The following THSD4 variants were observed in gnomAD, a reference collection of about 807,000 sequenced individuals.
THSD4 encodes thrombospondin type 1 domain containing 4, also known as thrombospondin type-1 domain-containing protein 4.
Under a neutral mutation model 119.0 loss-of-function variants are expected in THSD4, and 69 were observed. The observed-to-expected ratio is 0.58, with a 90% CI of 0.48 to 0.71. The LOEUF is 0.71. THSD4 is among the 30% of genes least tolerant of loss of function. THSD4 has a pLI of 0.00. For synonymous variants in THSD4, 524 were observed against 540.4 expected, an observed-to-expected ratio of 0.97 and a Z score of 0.42; for missense variants, 1,393 against 1,391.1, an observed-to-expected ratio of 1.00 and a Z score of -0.02.
Position 71,638,770 on chromosome 15 carries a change from A to G in THSD4, c.1153-21760A>G, listed in dbSNP as rs576616983. 7.2e-5 allele frequency among the ~76,000 whole-genome samples: 11 copies of G among 152,334 alleles called. 1 individual carries two copies. The South Asian group carries it at 2.3e-3, about 32-fold the overall frequency. On this transcript the variant is annotated intron_variant, in intron 7 of 17. Transcript: ENST00000261862. The stretch of plus-strand genomic sequence containing the variant: ...CTATAGGTTTAAGAATGTAAGCAGA[A>G]GTTCTGCACCAATCAGAATAAGCTA...
chr15:71,664,717 G>A (rs1030447114), intron 8 of THSD4, among the ~76,000 whole-genome samples: 3 of 152,086 alleles, frequency 2.0e-5, no homozygotes, highest in Non-Finnish European at 4.4e-5. Flanking sequence ...CCATCATTTA[G>A]CTCCCACTTG....
chr15:71,454,545 T>A (rs1170239780), intron 7 of THSD4, among the ~76,000 whole-genome samples: 1 of 152,196 alleles, frequency 6.6e-6, no homozygotes, highest in Non-Finnish European at 1.5e-5. Flanking sequence ...TAAGATACTC[T>A]AATTTATAGT....
rs746121052 is a variant in THSD4 at position 71,746,924 on chromosome 15, C to T, written c.2123C>T (p.Ala708Val). 1 of 1,613,946 alleles carries T rather than the reference C, an allele frequency of 6.2e-7. No individual in the cohort carries two copies. The highest frequency in any genetic ancestry group is 8.5e-7 in the Non-Finnish European group (1 of 1,180,044). Residue 708 changes from alanine to valine, a missense_variant, in exon 13 of 18, where the codon GCC becomes GTC. Transcript: ENST00000261862. ...HRQVLCRQVY[A>V]NRSLTVQPYR... Reference sequence around the variant, plus strand: ...CAGGTTCTGTGCCGCCAGGTGTACGCCAACCGCAGCCTGACGGTGCAGCCC... The same window carrying T: ...CAGGTTCTGTGCCGCCAGGTGTACGTCAACCGCAGCCTGACGGTGCAGCCC...
intron 7 of THSD4, among the ~76,000 whole-genome samples, chr15:71,634,642 G>A (rs553382486): frequency 6.6e-6 from 1 of 152,168 alleles, no homozygotes; most frequent in African/African-American, 2.4e-5. Context: ...TCTCATTGAG[G>A]GAATGGGTGG....
At chr15:71,265,767 G>A (rs755393848) in intron 6 of THSD4, among the ~76,000 whole-genome samples, 14 of 152,132 alleles carry the variant, frequency 9.2e-5, no homozygotes, top group African/African-American at 3.4e-4. Context: ...GAGCTTTGTG[G>A]GGGGGGAGGG....
intron 7 of THSD4, among the ~76,000 whole-genome samples, chr15:71,487,031 C>T (rs117391409): frequency 1.3e-5 from 2 of 152,258 alleles, no homozygotes; most frequent in East Asian, 3.9e-4. Context: ...AGTAGTTGAC[C>T]ACAGTCTCAG....
intron 1 of THSD4, among the ~76,000 whole-genome samples, chr15:71,107,584 G>A (rs1362988347): frequency 6.6e-6 from 1 of 152,154 alleles, no homozygotes; most frequent in African/African-American, 2.4e-5. Flanking sequence ...CCACTCACAG[G>A]ACTGGGTCAG....
At chr15:71,404,114 C>G (rs1362473749) in intron 6 of THSD4, among the ~76,000 whole-genome samples, 1 of 152,136 alleles carries the variant, frequency 6.6e-6, no homozygotes, top group African/African-American at 2.4e-5. Flanking sequence ...AAATAAAATT[C>G]ATATATGATA....
rs2053935124 is a variant in THSD4, at chr15:71,777,428, G to A, written c.*54G>A. 1.9e-6 allele frequency: 3 copies of A among 1,567,606 alleles called. No individual in the cohort carries two copies. The highest frequency in any genetic ancestry group is 2.6e-6 in the Non-Finnish European group (3 of 1,158,862). On this transcript the variant is annotated 3_prime_UTR_variant, in exon 18 of 18. Coordinates refer to ENST00000261862, the MANE Select transcript of THSD4 (RefSeq NM_024817.3). ...CATCACTGCCTTCCCGGGGGCTTCA[G>A]CAGTGCGCCTGGCTGGCTGCTGCTC...
intron 7 of THSD4, among the ~76,000 whole-genome samples, chr15:71,615,083 T>C (rs2050298290): frequency 6.6e-6 from 1 of 152,242 alleles, no homozygotes; most frequent in South Asian, 2.1e-4. Flanking sequence ...GCTCTCAGAT[T>C]ACACTACTTT....
At chr15:71,640,747 G>C (rs1468159790) in intron 7 of THSD4, among the ~76,000 whole-genome samples, 1 of 152,024 alleles carries the variant, frequency 6.6e-6, no homozygotes, top group African/African-American at 2.4e-5. Flanking sequence ...CTCCTCAGCT[G>C]TTACTGCCCA....
chr15:71,529,907 T>C (rs2048583422), intron 7 of THSD4, among the ~76,000 whole-genome samples: 1 of 152,218 alleles, frequency 6.6e-6, no homozygotes, highest in Non-Finnish European at 1.5e-5. Flanking sequence ...CTTAATGACC[T>C]GGTTTGTTGG....
At chr15:71,556,096 T>C (rs1162658231) in intron 7 of THSD4, among the ~76,000 whole-genome samples, 5 of 152,322 alleles carry the variant, frequency 3.3e-5, no homozygotes, top group Middle Eastern at 6.8e-3. Context: ...CATTATTCTT[T>C]GGGAGTGTCT....
At chr15:71,758,206 C>T (rs2053576759) in intron 15 of THSD4, 131 bp downstream of exon 15, 5 of 1,124,518 alleles carry the variant, frequency 4.4e-6, no homozygotes, top group Non-Finnish European at 6.2e-6. Flanking sequence ...TATCTGTGAC[C>T]CTGGAGAAGC....
At chr15:71,319,162 A>T (rs1667046685) in intron 6 of THSD4, among the ~76,000 whole-genome samples, 1 of 152,154 alleles carries the variant, frequency 6.6e-6, no homozygotes, top group Non-Finnish European at 1.5e-5. Flanking sequence ...CATAATCAGG[A>T]CTGAGCACCT....
intron 7 of THSD4, among the ~76,000 whole-genome samples, chr15:71,467,845 G>GT (rs34603517): frequency 0.23 from 33,135 of 143,530 alleles, 4,037 homozygotes; most frequent in East Asian, 0.33. Flanking sequence ...AGATATGATG[G>GT]TTTTTTTTTT....
chr15:71,576,018 A>G (rs1299864832), intron 7 of THSD4, among the ~76,000 whole-genome samples: 1 of 152,054 alleles, frequency 6.6e-6, no homozygotes, highest in Non-Finnish European at 1.5e-5. Context: ...CTTCTCTTTT[A>G]TTATGAGATT....
rs553303672 is a variant in THSD4, at chr15:71,659,216, T to C, written c.1153-1314T>C. Among the ~76,000 whole-genome samples the C allele has an allele frequency of 3.2e-4, 48 of 152,330 alleles. No individual in the cohort carries two copies. The South Asian group carries it at 9.1e-3, about 29-fold the overall frequency. On this transcript the variant is annotated intron_variant, in intron 7 of 17. Coordinates refer to ENST00000261862, the MANE Select transcript of THSD4 (RefSeq NM_024817.3). ...CATATCCTCATGACCCAGTGAATAATCCTGTACTCACAATATTTCATTGTC... is the reference window on the plus strand; with the variant it reads ...CATATCCTCATGACCCAGTGAATAACCCTGTACTCACAATATTTCATTGTC...
chr15:71,751,221 T>C (rs2053443079), intron 14 of THSD4, among the ~76,000 whole-genome samples: 2 of 152,232 alleles, frequency 1.3e-5, no homozygotes, highest in Admixed American at 1.3e-4. Context: ...CTCAGTAAAC[T>C]TGATGGATTT....
Sources: gnomAD v4.1 joint callset for allele counts (sites outside exome capture counted in the v4.1 genomes callset) on GRCh38, gnomAD v4.1.1 for gene constraint, MANE v1.5 for transcripts, NCBI Gene and HGNC (gene_info 2026-07-23, HGNC 2026-07-21) for gene names.